Variants in PLEKHH2 observed in about 807,000 individuals in gnomAD.
The protein encoded by PLEKHH2 is pleckstrin homology domain-containing family H member 2.
Under a neutral mutation model 187.9 loss-of-function variants are expected in PLEKHH2, and 129 were observed. The ratio of observed to expected loss-of-function variants is 0.69; its 90% confidence interval spans 0.59 to 0.79. PLEKHH2 has a LOEUF of 0.79. Ranked by LOEUF, PLEKHH2 falls within the 30% of genes least tolerant of loss-of-function variation. The pLI, the probability that PLEKHH2 is intolerant of heterozygous loss-of-function variation, is 0.00. For synonymous variants in PLEKHH2, 686 were observed against 605.6 expected, an observed-to-expected ratio of 1.13 and a Z score of -1.95; for missense variants, 2,076 against 1,751.2, an observed-to-expected ratio of 1.19 and a Z score of -3.31.
At chr2:43,714,380 A>T (rs1356244827) in intron 15 of PLEKHH2, among the ~76,000 whole-genome samples, 1 of 152,200 alleles carries the variant, frequency 6.6e-6, no homozygotes, top group East Asian at 1.9e-4. Flanking sequence ...ATGCTTATTA[A>T]GTTTCCTTCC....
intron 2 of PLEKHH2, among the ~76,000 whole-genome samples, chr2:43,660,541 A>C (rs11886162): frequency 0.034 from 4,498 of 132,928 alleles, 84 homozygotes; most frequent in African/African-American, 0.057. Context: ...CATATGTATA[A>C]ATGTGCCATG....
chr2:43,739,232 A>G (rs1035692406), intron 20 of PLEKHH2, among the ~76,000 whole-genome samples: 2 of 152,052 alleles, frequency 1.3e-5, no homozygotes, highest in Non-Finnish European at 2.9e-5. Flanking sequence ...ATTCCTTTGA[A>G]TTCATTTTTA....
intron 25 of PLEKHH2, 137 bp downstream of exon 25, chr2:43,753,897 CA>C: frequency 4.3e-6 from 3 of 690,640 alleles, no homozygotes; most frequent in Non-Finnish European, 6.6e-6. Context: ...AAATTACAGG[CA>C]CTATAATTAT....
rs138732494 is a variant in PLEKHH2 at position 43,737,604 on chromosome 2, C to T, written c.2944-737C>T. On this transcript the variant is annotated intron_variant, in intron 19 of 29. Transcript: ENST00000282406. ...TGGAATGGGGCTGGAGGATTCCAAA[C>T]TCTCTCACGTGGCTGTTGGCAAAGA... Among the ~76,000 whole-genome samples, 1,007 of 152,300 alleles carry T rather than the reference C, an allele frequency of 6.6e-3. 14 individuals are homozygous for T. The highest frequency in any genetic ancestry group is 0.023 in the African/African-American group (966 of 41,560).
At chr2:43,715,476 C>T (rs1295126695) in intron 15 of PLEKHH2, among the ~76,000 whole-genome samples, 1 of 152,002 alleles carries the variant, frequency 6.6e-6, no homozygotes, top group East Asian at 1.9e-4. Context: ...ATGTTGCTAA[C>T]AGATTACTCT....
intron 1 of PLEKHH2, among the ~76,000 whole-genome samples, chr2:43,639,453 C>A (rs1703266570): frequency 1.3e-5 from 2 of 152,176 alleles, no homozygotes; most frequent in South Asian, 4.2e-4. Flanking sequence ...CCTTGGCAAC[C>A]ACTAACCTAC....
At chr2:43,706,224 T>C in intron 9 of PLEKHH2, 98 bp from the exon 10 acceptor site, 1 of 862,718 alleles carries the variant, frequency 1.2e-6, no homozygotes, top group Non-Finnish European at 1.9e-6. Flanking sequence ...TCGAATTGCT[T>C]TTTAAATGGA....
intron 24 of PLEKHH2, among the ~76,000 whole-genome samples, chr2:43,748,443 G>A (rs1671868896): frequency 6.6e-6 from 1 of 152,192 alleles, no homozygotes; most frequent in Non-Finnish European, 1.5e-5. Context: ...GATTATTATT[G>A]TAGTTCTGTT....
chr2:43,724,017 G>A (rs922480569), intron 16 of PLEKHH2, among the ~76,000 whole-genome samples: 1 of 152,328 alleles, frequency 6.6e-6, no homozygotes, highest in Non-Finnish European at 1.5e-5. Flanking sequence ...TGAAAAGTCA[G>A]TATGAGAGAC....
intron 2 of PLEKHH2, among the ~76,000 whole-genome samples, chr2:43,668,307 T>C (rs1305588015): frequency 3.3e-5 from 5 of 152,226 alleles, no homozygotes; most frequent in Non-Finnish European, 7.3e-5. Context: ...GCTGGGAATA[T>C]AGGCATGAGC....
chr2:43,754,165 T>TACACACAC (rs373399236), intron 25 of PLEKHH2, among the ~76,000 whole-genome samples: 11 of 118,016 alleles, frequency 9.3e-5, no homozygotes, highest in Non-Finnish European at 1.3e-4. Context: ...TTCAATCTTC[T>TACACACAC]ACACACACAC....
Position 43,697,297 on chromosome 2 carries a change from A to G in PLEKHH2, c.629A>G (p.Glu210Gly). 1 of 1,613,986 alleles carries G rather than the reference A, an allele frequency of 6.2e-7. No homozygotes were observed. The highest frequency in any genetic ancestry group is 1.3e-5 in the African/African-American group (1 of 75,058). The stretch of plus-strand genomic sequence containing the variant: ...AGTCCTCCTCAAGTAGTAAAATCTG[A>G]GGAAATGAGCAAGATATCATCGAAA... ...ARSPPQVVKS[E>G]EMSKISSKEP... Residue 210 changes from glutamate to glycine, a missense_variant, in exon 7 of 30, where the codon GAG becomes GGG. Physicochemically the swap from Glu to Gly is moderately conservative, Grantham distance 98. Transcript: ENST00000282406.
chr2:43,711,614 G>A (rs950362316), intron 14 of PLEKHH2: 27 of 967,546 alleles, frequency 2.8e-5, no homozygotes, highest in Admixed American at 6.2e-5. Context: ...GAACCTGGCC[G>A]GGCGCGGTGG....
At chr2:43,711,057 C>T in intron 14 of PLEKHH2, 1 of 988,148 alleles carries the variant, frequency 1.0e-6, no homozygotes, top group African/African-American at 1.7e-5. Flanking sequence ...CCAAGCAAGT[C>T]ACACTGTAGG....
chr2:43,742,549 G>A (rs1216515474), intron 21 of PLEKHH2, among the ~76,000 whole-genome samples, 192 bp from the exon 22 acceptor site: 4 of 152,066 alleles, frequency 2.6e-5, no homozygotes, highest in Admixed American at 2.6e-4. Flanking sequence ...TTTGAGTGAG[G>A]CAGTTACAAA....
intron 2 of PLEKHH2, among the ~76,000 whole-genome samples, chr2:43,646,680 T>C (rs1666199295): frequency 6.6e-6 from 1 of 152,188 alleles, no homozygotes; most frequent in South Asian, 2.1e-4. Flanking sequence ...AATTTCTCTA[T>C]AAGTAAAATA....
At chr2:43,690,997 C>A (rs1197427400) in intron 3 of PLEKHH2, among the ~76,000 whole-genome samples, 1 of 152,184 alleles carries the variant, frequency 6.6e-6, no homozygotes. Flanking sequence ...TGCAGATATG[C>A]CTTTCTGAGA....
intron 2 of PLEKHH2, chr2:43,676,142 G>A (rs1667767004): frequency 6.2e-7 from 1 of 1,614,026 alleles, no homozygotes; most frequent in South Asian, 1.1e-5. Flanking sequence ...AGCTCCAAGA[G>A]TATCACTTTT....
rs773195528 is a variant in PLEKHH2 at position 43,729,734 on chromosome 2, A to C, written c.2819A>C (p.Asp940Ala). The C allele has an allele frequency of 1.9e-6, 3 of 1,596,350 alleles. No homozygotes were observed. The highest frequency in any genetic ancestry group is 2.6e-6 in the Non-Finnish European group (3 of 1,171,638). The change falls in exon 18 of 30, where the codon GAC (aspartate) becomes GCC (alanine). Residue 940 changes from aspartate to alanine, a missense_variant. Physicochemically the swap from Asp to Ala is moderately radical, Grantham distance 126. Coordinates refer to ENST00000282406, the MANE Select transcript of PLEKHH2 (RefSeq NM_172069.4). ...EQLVCKLLNI[D>A]GEPSSQIWRH... The stretch of plus-strand genomic sequence containing the variant: ...CTGGTTTGCAAATTGCTAAATATAG[A>C]CGGGGAGCCTTGTAAGTTCATAAAC...
Sources: gnomAD v4.1 joint callset for allele counts (sites outside exome capture counted in the v4.1 genomes callset) on GRCh38, gnomAD v4.1.1 for gene constraint, MANE v1.5 for transcripts, NCBI Gene and HGNC (gene_info 2026-07-23, HGNC 2026-07-21) for gene names.